Variants in MTX2 observed in about 807,000 individuals in gnomAD.
MTX2 encodes the protein metaxin 2.
Under a neutral mutation model 42.3 loss-of-function variants are expected in MTX2, and 35 were observed. The observed-to-expected ratio is 0.83, with a 90% CI of 0.63 to 1.10. The LOEUF (loss-of-function observed/expected upper bound fraction) is 1.10, where lower values mean the gene tolerates loss of function less well. Among genes scored for constraint, MTX2 ranks in the 50% least tolerant of loss-of-function variants. The pLI is 0.00. For missense variants in MTX2, 307 were observed against 304.1 expected (o/e 1.01, Z -0.07); for synonymous variants, 119 against 100.9 (o/e 1.18, Z -1.08).
chr2:176,290,343 T>C (rs1228433459), intron 1 of MTX2, among the ~76,000 whole-genome samples: 1 of 152,100 alleles, frequency 6.6e-6, no homozygotes. Flanking sequence ...AGCTTTCTCC[T>C]TGGTCAAAAA....
intron 3 of MTX2, among the ~76,000 whole-genome samples, chr2:176,311,791 A>T (rs1337465769): frequency 1.3e-5 from 2 of 152,212 alleles, no homozygotes; most frequent in African/African-American, 4.8e-5. Flanking sequence ...TGTCCCGTTT[A>T]TCCAGGCAGT....
At chr2:176,317,050 AAC>A (rs1684462047) in intron 3 of MTX2, among the ~76,000 whole-genome samples, 1 of 151,550 alleles carries the variant, frequency 6.6e-6, no homozygotes, top group Non-Finnish European at 1.5e-5. Flanking sequence ...AAAAAAAAAA[AAC>A]AAAAACTTTT....
intron 3 of MTX2, among the ~76,000 whole-genome samples, chr2:176,307,267 A>G (rs1324231048): frequency 2.6e-5 from 4 of 152,048 alleles, no homozygotes; most frequent in Non-Finnish European, 4.4e-5. Context: ...ATTGGTCTAT[A>G]TCTGTGTTTT....
intron 1 of MTX2, among the ~76,000 whole-genome samples, chr2:176,271,145 C>G (rs937979558): frequency 6.6e-6 from 1 of 152,070 alleles, no homozygotes. Flanking sequence ...GCCGTCTTAG[C>G]TATTTGTAGT....
intron 3 of MTX2, among the ~76,000 whole-genome samples, chr2:176,321,836 T>C (rs185299230): frequency 1.3e-5 from 2 of 152,004 alleles, no homozygotes; most frequent in African/African-American, 2.4e-5. Flanking sequence ...GGAGAGAACA[T>C]ATGTGGCAGG....
At chr2:176,282,588 A>G (rs1182296873) in intron 1 of MTX2, among the ~76,000 whole-genome samples, 4 of 152,068 alleles carry the variant, frequency 2.6e-5, no homozygotes, top group Non-Finnish European at 5.9e-5. Flanking sequence ...TTCTTCATGA[A>G]TATTTCTATA....
At chr2:176,295,803 A>G (rs1334803213) in intron 1 of MTX2, among the ~76,000 whole-genome samples, 2 of 152,202 alleles carry the variant, frequency 1.3e-5, no homozygotes, top group Admixed American at 6.5e-5. Context: ...CTTCACATGT[A>G]TAAATTTCTT....
chr2:176,313,454 G>A (rs1036455095), intron 3 of MTX2, among the ~76,000 whole-genome samples: 1 of 142,690 alleles, frequency 7.0e-6, no homozygotes, highest in Admixed American at 7.2e-5. Context: ...GTGCAGTGGT[G>A]TGATCTTGGC....
chr2:176,322,041 A>C (rs1684597053), intron 3 of MTX2, among the ~76,000 whole-genome samples: 1 of 152,152 alleles, frequency 6.6e-6, no homozygotes, highest in Admixed American at 6.5e-5. Flanking sequence ...CATTTACTTG[A>C]GGAGATCAGA....
chr2:176,328,089 G>A (rs1286020437), intron 5 of MTX2, among the ~76,000 whole-genome samples: 1 of 151,112 alleles, frequency 6.6e-6, no homozygotes, highest in East Asian at 1.9e-4. Flanking sequence ...AGATACATTT[G>A]TATAATGACA....
At chr2:176,326,349 G>C (rs920686332) in intron 4 of MTX2, among the ~76,000 whole-genome samples, 1 of 151,572 alleles carries the variant, frequency 6.6e-6, no homozygotes. Context: ...TGCTTAAAAT[G>C]TTGATCTCAA....
chr2:176,294,849 A>G (rs553463512), intron 1 of MTX2, among the ~76,000 whole-genome samples: 2 of 152,294 alleles, frequency 1.3e-5, no homozygotes, highest in South Asian at 4.1e-4. Context: ...GTTTTTGGGG[A>G]AAAACGGCAA....
At chr2:176,295,497 G>A (rs1683839242) in intron 1 of MTX2, among the ~76,000 whole-genome samples, 1 of 152,098 alleles carries the variant, frequency 6.6e-6, no homozygotes, top group Non-Finnish European at 1.5e-5. Context: ...GTGTTGGTAT[G>A]TGCGTTGAAA....
chr2:176,278,188 T>G (rs1421892867), intron 1 of MTX2, among the ~76,000 whole-genome samples: 1 of 151,472 alleles, frequency 6.6e-6, no homozygotes, highest in Non-Finnish European at 1.5e-5. Flanking sequence ...GTAGCTGGGA[T>G]TATAGGTGCC....
chr2:176,316,471 G>A (rs1684441590), intron 3 of MTX2, among the ~76,000 whole-genome samples: 1 of 152,014 alleles, frequency 6.6e-6, no homozygotes, highest in South Asian at 2.1e-4. Flanking sequence ...GTGTGATCAC[G>A]GCTTACTACA....
Position 176,337,585 on chromosome 2 carries a change from A to T in MTX2, c.713A>T (p.Asn238Ile), listed in dbSNP as rs1217135563. The change falls in exon 10 of 10, where the codon AAC becomes ATC. Residue 238 changes from asparagine to isoleucine, a missense_variant. Transcript: ENST00000249442. Reference sequence around the variant, plus strand: ...GATGAACTTTCTGAGAAGGTGAAAAACTATAGCAACCTCCTTGCTTTCTGT... The same window carrying T: ...GATGAACTTTCTGAGAAGGTGAAAATCTATAGCAACCTCCTTGCTTTCTGT... ...TNDELSEKVK[N>I]YSNLLAFCRR... 6.2e-7 allele frequency: 1 copy of T among 1,613,524 alleles called. No individual in the cohort carries two copies. Among genetic ancestry groups the T allele is most frequent in the East Asian group, 2.2e-5 (1 of 44,834 alleles).
At chr2:176,285,137 A>G (rs536243115) in intron 1 of MTX2, among the ~76,000 whole-genome samples, 1 of 152,330 alleles carries the variant, frequency 6.6e-6, no homozygotes, top group African/African-American at 2.4e-5. Context: ...ACTTGGGTTC[A>G]AATCCTGGCT....
At chr2:176,326,052 G>C (rs1195565022) in intron 4 of MTX2, among the ~76,000 whole-genome samples, 1 of 151,660 alleles carries the variant, frequency 6.6e-6, no homozygotes. Flanking sequence ...GTGACAGCAG[G>C]TTTCATTCTT....
chr2:176,330,710 A>G (rs1407271122), intron 9 of MTX2, 50 bp downstream of exon 9: 1 of 1,274,964 alleles, frequency 7.8e-7, no homozygotes, highest in Non-Finnish European at 1.1e-6. Flanking sequence ...GTTAGGTTGC[A>G]AATTTCTTTT....
Sources: gnomAD v4.1 joint callset for allele counts (sites outside exome capture counted in the v4.1 genomes callset) on GRCh38, gnomAD v4.1.1 for gene constraint, MANE v1.5 for transcripts, NCBI Gene and HGNC (gene_info 2026-07-23, HGNC 2026-07-21) for gene names.